Variants in ZNF395 observed in about 807,000 individuals in gnomAD.
The protein encoded by ZNF395 is HD gene regulatory region-binding protein 2.
A neutral mutation model predicts 57.7 loss-of-function variants in ZNF395; 20 were observed. That is an observed-to-expected ratio of 0.35 (90% CI 0.24 to 0.50). ZNF395 has a LOEUF of 0.50. ZNF395 is among the 20% of genes least tolerant of loss of function. The pLI, the probability that ZNF395 is intolerant of heterozygous loss-of-function variation, is 0.97. For synonymous variants in ZNF395, 295 were observed against 275.9 expected (o/e 1.07, Z -0.69); for missense variants, 606 against 671.2 (o/e 0.90, Z 1.07).
chr8:28,378,195 A>C (rs1442905886), intron 1 of ZNF395, among the ~76,000 whole-genome samples: 2 of 152,062 alleles, frequency 1.3e-5, no homozygotes, highest in Non-Finnish European at 2.9e-5. Flanking sequence ...TCACAAACTG[A>C]GTTCTGACCC....
chr8:28,371,419 G>A (rs899373216), intron 1 of ZNF395, among the ~76,000 whole-genome samples: 1 of 152,148 alleles, frequency 6.6e-6, no homozygotes, highest in Non-Finnish European at 1.5e-5. Context: ...GGGCTCAATC[G>A]ATCCTCCTGC....
chr8:28,355,085 A>G (rs17059008), intron 4 of ZNF395, among the ~76,000 whole-genome samples: 11,568 of 152,244 alleles, frequency 0.076, 613 homozygotes, highest in East Asian at 0.3. Flanking sequence ...ATCTTTGATC[A>G]TAAGTTTTTC....
intron 1 of ZNF395, among the ~76,000 whole-genome samples, chr8:28,365,985 G>A (rs375970528): frequency 2.4e-4 from 36 of 152,298 alleles, no homozygotes; most frequent in South Asian, 1.9e-3. Context: ...ACACACGCAC[G>A]GTGGCTGTGC....
chr8:28,351,838 G>A, intron 6 of ZNF395, 31 bp from the exon 7 acceptor site: 1 of 1,520,856 alleles, frequency 6.6e-7, no homozygotes, highest in Non-Finnish European at 8.8e-7. Flanking sequence ...GTATAATCAG[G>A]GGCACCCTGC....
intron 1 of ZNF395, among the ~76,000 whole-genome samples, chr8:28,384,736 C>A (rs901580416): frequency 5.3e-5 from 8 of 152,210 alleles, no homozygotes; most frequent in Non-Finnish European, 1.0e-4. Context: ...ACTTAGTACT[C>A]CAAGTCCCTT....
rs1156462721 is a variant in ZNF395, at chr8:28,371,112, T to C, written c.-58-9930A>G. 3.3e-5 allele frequency among the ~76,000 whole-genome samples: 5 copies of C among 152,334 alleles called. No homozygotes were observed. In the South Asian group the frequency reaches 1.0e-3, roughly 32 times the overall value. Reference sequence around the variant, plus strand: ...AAACTGAATCTCAGGGTGAGTAATTTTCCCAAGGCCACGAAGCTAGAAAAT... The same window carrying C: ...AAACTGAATCTCAGGGTGAGTAATTCTCCCAAGGCCACGAAGCTAGAAAAT... On this transcript the variant is annotated intron_variant, in intron 1 of 9. Coordinates refer to ENST00000344423, the MANE Select transcript of ZNF395 (RefSeq NM_018660.3).
rs1237550982 is a variant in ZNF395 at position 28,351,338 on chromosome 8, A to G, written c.1233+157T>C. 8.3e-6 allele frequency: 6 copies of G among 718,810 alleles called. No individual in the cohort carries two copies. In the East Asian group the frequency reaches 1.1e-4, roughly 13 times the overall value. The allele number at this position is 718,810 out of a possible 1,614,324, so 44.5% of individuals were successfully genotyped here. On this transcript the variant is annotated intron_variant, in intron 7 of 9. Transcript: ENST00000344423. The stretch of plus-strand genomic sequence containing the variant: ...ACTCCAGGAATTCCCACATTTATTG[A>G]GCAGTGAATTCGGTTTCCTTTTGTT...
intron 1 of ZNF395, among the ~76,000 whole-genome samples, chr8:28,382,233 A>G (rs1378791473): frequency 6.6e-6 from 1 of 152,136 alleles, no homozygotes; most frequent in East Asian, 1.9e-4. Flanking sequence ...TGACTCTTTA[A>G]AAGAGCTGCA....
chr8:28,364,639 G>A (rs1325125625), intron 1 of ZNF395, among the ~76,000 whole-genome samples: 1 of 142,430 alleles, frequency 7.0e-6, no homozygotes, highest in African/African-American at 2.6e-5. Flanking sequence ...GGGGGATAGA[G>A]TGAGACTCCG....
In ZNF395 at chr8:28,356,551, G is replaced by A; in HGVS notation, c.583+119C>T. The A allele has an allele frequency of 1.5e-6, 1 of 662,146 alleles. No homozygotes were observed. The highest frequency in any genetic ancestry group is 3.1e-5 in the Admixed American group (1 of 32,188). The allele number at this position is 662,146 out of a possible 1,614,324, so 41.0% of individuals were successfully genotyped here. A position where few individuals can be genotyped will look rare whatever the true frequency, so the allele number is the denominator to read the frequency against. On this transcript the variant is annotated intron_variant, in intron 4 of 9. Transcript: ENST00000344423. The surrounding 1 kb of genome is among the most constrained non-coding windows in gnomAD (Gnocchi z 4.0). Reference sequence around the variant, plus strand: ...CAGCCGGTCAGAGGTGCCAGTGGGAGGTGTCCCTGGACATTCTATTGCCAG... The same window carrying A: ...CAGCCGGTCAGAGGTGCCAGTGGGAAGTGTCCCTGGACATTCTATTGCCAG...
intron 1 of ZNF395, among the ~76,000 whole-genome samples, chr8:28,377,340 G>C (rs1802053628): frequency 1.3e-5 from 2 of 152,284 alleles, no homozygotes; most frequent in Middle Eastern, 3.4e-3. Flanking sequence ...GTGGGTCGAG[G>C]CTGCAGTAAA....
At chr8:28,361,276 T>C (rs1332135914) in intron 1 of ZNF395, 94 bp from the exon 2 acceptor site, 3 of 1,025,306 alleles carry the variant, frequency 2.9e-6, no homozygotes, top group Admixed American at 2.6e-5. Context: ...AGTCAACTTC[T>C]AGCATCCTTC....
At chr8:28,365,025 A>C (rs1801894408) in intron 1 of ZNF395, among the ~76,000 whole-genome samples, 2 of 152,222 alleles carry the variant, frequency 1.3e-5, no homozygotes, top group Non-Finnish European at 2.9e-5. Flanking sequence ...TCAACCCAAA[A>C]AGTCAGGGAA....
At chr8:28,357,072 A>G (rs1801789767) in intron 3 of ZNF395, among the ~76,000 whole-genome samples, 1 of 152,150 alleles carries the variant, frequency 6.6e-6, no homozygotes, top group Non-Finnish European at 1.5e-5. Flanking sequence ...ACGCCCTGAG[A>G]CAGCCCCATT....
chr8:28,347,425 C>G lies in ZNF395; in HGVS notation c.*1294G>C, dbSNP rs1240920891. On this transcript the variant is annotated 3_prime_UTR_variant, in exon 10 of 10. Transcript: ENST00000344423. ...TGCCCTGCCATCCGGGCGTGGCTCA[C>G]TCTGTCTTCGCGCAGGGCTGGTTGG... 1 of 152,304 alleles carries G rather than the reference C, an allele frequency of 6.6e-6. No homozygotes were observed. The highest frequency in any genetic ancestry group is 2.4e-5 in the African/African-American group (1 of 41,448). 9.4% of individuals were successfully genotyped at this position (152,304 alleles called of 1,614,324 possible).
At chr8:28,381,655 C>T (rs1161694733) in intron 1 of ZNF395, among the ~76,000 whole-genome samples, 2 of 152,116 alleles carry the variant, frequency 1.3e-5, no homozygotes, top group Non-Finnish European at 2.9e-5. Context: ...CCCAAATCAG[C>T]CTCGTCTGCT....
At chr8:28,378,117 G>A (rs930904176) in intron 1 of ZNF395, among the ~76,000 whole-genome samples, 13 of 152,000 alleles carry the variant, frequency 8.6e-5, no homozygotes, top group African/African-American at 1.9e-4. Context: ...GCCATTTCCC[G>A]GCCCCCCACC....
In ZNF395 at chr8:28,359,665, C is replaced by G; in HGVS notation, c.400G>C (p.Ala134Pro). 1 of 1,613,936 alleles carries G rather than the reference C, an allele frequency of 6.2e-7. No homozygotes were observed. Among genetic ancestry groups the G allele is most frequent in the Non-Finnish European group, 8.5e-7 (1 of 1,179,938 alleles). The change falls in exon 3 of 10, where the codon GCA becomes CCA. Residue 134 changes from alanine (A) to proline (P), a missense_variant. Ala to Pro is a conservative substitution (Grantham distance 27, BLOSUM62 -1). Around this residue, in one of 3 missense-constraint regions of ZNF395, gnomAD observed 309 missense variants for 374.7 expected, o/e 0.82. Transcript: ENST00000344423. The surrounding 1 kb of genome is among the most constrained non-coding windows in gnomAD (Gnocchi z 4.7). ...TGGGCTCCGGGCTCCAGGGGTGGTGCCTGGGGACAGGGGCCCTGCAGCTCT... is the reference window on the plus strand; with the variant it reads ...TGGGCTCCGGGCTCCAGGGGTGGTGGCTGGGGACAGGGGCCCTGCAGCTCT... ...LAELQGPCPQ[A>P]PPLEPGAQAL... is the part of the protein sequence containing the mutation.
chr8:28,354,261 G>A (rs1440819812), intron 4 of ZNF395, among the ~76,000 whole-genome samples: 2 of 152,168 alleles, frequency 1.3e-5, no homozygotes, highest in Non-Finnish European at 2.9e-5. Context: ...CACATCTGCA[G>A]GCTGCATGGG....
Sources: gnomAD v4.1 joint callset for allele counts (sites outside exome capture counted in the v4.1 genomes callset) on GRCh38, gnomAD v4.1.1 for gene constraint, gnomAD v4.1.1 regional missense constraint, Gnocchi (gnomAD v3.1) non-coding constraint, MANE v1.5 for transcripts, NCBI Gene and HGNC (gene_info 2026-07-23, HGNC 2026-07-21) for gene names.